Variants in TRIP12 observed in about 807,000 individuals in gnomAD.
TRIP12 encodes thyroid hormone receptor interactor 12, also known as E3 ubiquitin-protein ligase TRIP12.
TRIP12 carries 25 observed loss-of-function variants against 244.2 expected under a neutral mutation model. The observed-to-expected ratio is 0.10, with a 90% confidence interval of 0.07 to 0.14. The LOEUF is 0.14. TRIP12 is among the 10% of genes least tolerant of loss of function. The pLI, the probability that TRIP12 is intolerant of heterozygous loss-of-function variation, is 1.00. For missense variants in TRIP12, 1,677 were observed against 2,486.4 expected, an observed-to-expected ratio of 0.67 and a Z score of 6.92; for synonymous variants, 905 against 873.1, an observed-to-expected ratio of 1.04 and a Z score of -0.64.
intron 30 of TRIP12, 137 bp from the exon 31 acceptor site, chr2:229,789,899 A>G (rs961608478): frequency 7.6e-6 from 7 of 926,786 alleles, no homozygotes; most frequent in African/African-American, 4.9e-5. Context: ...TAGGGTATTG[A>G]TAAGTTTGAC....
At chr2:229,791,055 T>G in intron 30 of TRIP12, 69 bp downstream of exon 30, 1 of 1,588,860 alleles carries the variant, frequency 6.3e-7, no homozygotes, top group South Asian at 1.1e-5. Flanking sequence ...CAAATCACTC[T>G]TTGAAAATCA....
intron 7 of TRIP12, 105 bp downstream of exon 7, chr2:229,830,651 C>T (rs1387584734): frequency 8.4e-7 from 1 of 1,186,906 alleles, no homozygotes; most frequent in Non-Finnish European, 1.2e-6. Flanking sequence ...GCAGGCACTG[C>T]TAGATTATGG....
intron 38 of TRIP12, 138 bp from the exon 39 acceptor site, chr2:229,771,770 C>G: frequency 1.7e-6 from 1 of 589,682 alleles, no homozygotes; most frequent in Non-Finnish European, 3.0e-6. Flanking sequence ...TTAAAATAAT[C>G]TGCTAGAAAA....
At chr2:229,859,709 A>C (rs2060159472) in intron 3 of TRIP12, 135 bp from the exon 4 acceptor site, 1 of 975,776 alleles carries the variant, frequency 1.0e-6, no homozygotes, top group Non-Finnish European at 1.5e-6. Flanking sequence ...CAGAAGGTTC[A>C]AATCTGTAAA....
intron 26 of TRIP12, 125 bp downstream of exon 26, chr2:229,795,054 T>G: frequency 7.0e-6 from 8 of 1,148,906 alleles, no homozygotes; most frequent in Non-Finnish European, 9.7e-6. Context: ...CTTAATTTCT[T>G]TCATCATTAC....
At position 229,860,453 on chromosome 2, in the gene TRIP12, C is replaced by T; in HGVS notation, c.177G>A (p.Val59=). 6.2e-7 allele frequency: 1 copy of T among 1,611,872 alleles called. No homozygotes were observed. The highest frequency in any genetic ancestry group is 8.5e-7 in the Non-Finnish European group (1 of 1,179,282). Residue 59 remains valine, a synonymous_variant, in exon 3 of 42, where the codon GTG becomes GTA. Coordinates refer to ENST00000675903, the MANE Select transcript of TRIP12 (RefSeq NM_001348323.3). ...SRKSNSKAPK[V]QSNTTSELSR... is the part of the protein sequence containing the mutation. The stretch of plus-strand genomic sequence containing the variant: ...ACAGTTCAGAAGTAGTATTAGACTG[C>T]ACTTTGGGTGCCTTAGAATTAGATT...
In TRIP12 at chr2:229,769,455, T is replaced by C. The variant is rs373353445; in HGVS notation, c.5809-130A>G. ...TAAAACCTTCTGCTTGGGACCTCTT[T>C]CCAAAAAAAAAAAAATAATAATAAA... is the stretch of plus-strand genomic sequence containing the variant. On this transcript the variant is annotated intron_variant, in intron 39 of 41. Coordinates refer to ENST00000675903, the MANE Select transcript of TRIP12 (RefSeq NM_001348323.3). The C allele has an allele frequency of 5.7e-5, 24 of 424,142 alleles. No homozygotes were observed. In the East Asian group the frequency reaches 6.3e-4, roughly 11 times the overall value. The allele number at this position is 424,142 out of a possible 1,614,324, so 26.3% of individuals were successfully genotyped here. A position where few individuals can be genotyped will look rare whatever the true frequency, so the allele number is the denominator to read the frequency against.
In TRIP12 at chr2:229,860,670, A is replaced by C. The variant is rs546714823; in HGVS notation, c.99-139T>G. 6.0e-5 allele frequency: 53 copies of C among 889,132 alleles called. No homozygotes were observed. The Middle Eastern group carries it at 1.5e-3, about 26-fold the overall frequency. The allele number at this position is 889,132 out of a possible 1,614,324, so 55.1% of individuals were successfully genotyped here. ...CCTACCCTTTTTCCAAATATTTATA[A>C]ATTTTAATTATTATTCTACTAAATA... On this transcript the variant is annotated intron_variant, in intron 2 of 41. Coordinates refer to ENST00000675903, the MANE Select transcript of TRIP12 (RefSeq NM_001348323.3).
chr2:229,854,357 G>A (rs1313154518), intron 4 of TRIP12, among the ~76,000 whole-genome samples: 1 of 152,066 alleles, frequency 6.6e-6, no homozygotes, highest in Non-Finnish European at 1.5e-5. Flanking sequence ...TTGACCAATG[G>A]CCAGGACTTA....
At chr2:229,779,632 G>A (rs1262419119) in intron 34 of TRIP12, among the ~76,000 whole-genome samples, 2 of 152,028 alleles carry the variant, frequency 1.3e-5, no homozygotes, top group East Asian at 1.9e-4. Flanking sequence ...AAGGACTAAC[G>A]GCCTCATACA....
intron 4 of TRIP12, among the ~76,000 whole-genome samples, chr2:229,858,154 A>G (rs1204066745): frequency 4.6e-5 from 7 of 152,200 alleles, no homozygotes; most frequent in Non-Finnish European, 1.0e-4. Flanking sequence ...ACTTGAGGTC[A>G]GAAGTTTGAG....
intron 2 of TRIP12, among the ~76,000 whole-genome samples, chr2:229,872,316 C>A (rs1407286719): frequency 6.6e-6 from 1 of 152,054 alleles, no homozygotes; most frequent in Non-Finnish European, 1.5e-5. Context: ...GTAATCCCAG[C>A]ACTTTGGGAG....
chr2:229,801,032 T>G (rs2044189264), intron 21 of TRIP12, among the ~76,000 whole-genome samples: 1 of 152,240 alleles, frequency 6.6e-6, no homozygotes, highest in South Asian at 2.1e-4. Context: ...TCAGGCACCA[T>G]GCCTACATTA....
At position 229,767,371 on chromosome 2, in the gene TRIP12, A is replaced by C; in HGVS notation, c.*183T>G. On this transcript the variant is annotated 3_prime_UTR_variant, in exon 42 of 42. Coordinates refer to ENST00000675903, the MANE Select transcript of TRIP12 (RefSeq NM_001348323.3). ...CATCACAACAACGTTTTAGGGCCTG[A>C]TCACTTTAAGTCCATGGGGCCATTA... 5.7e-6 allele frequency: 3 copies of C among 530,910 alleles called. No homozygotes were observed. The highest frequency in any genetic ancestry group is 8.9e-6 in the Non-Finnish European group (3 of 338,268). The allele number at this position is 530,910 out of a possible 1,614,324, so 32.9% of individuals were successfully genotyped here.
At chr2:229,798,211 G>A (rs1037126842) in intron 23 of TRIP12, among the ~76,000 whole-genome samples, 24 of 152,206 alleles carry the variant, frequency 1.6e-4, no homozygotes, top group African/African-American at 5.8e-4. Context: ...AGAAACATGC[G>A]CCTATTAAGG....
intron 37 of TRIP12, 126 bp from the exon 38 acceptor site, chr2:229,774,387 C>CCTG: frequency 1.1e-6 from 1 of 931,852 alleles, no homozygotes; most frequent in South Asian, 2.0e-5. Context: ...AACTCTTAGC[C>CCTG]TCTTTATTTT....
At chr2:229,878,088 G>C (rs1560065508) in intron 2 of TRIP12, among the ~76,000 whole-genome samples, 1 of 152,108 alleles carries the variant, frequency 6.6e-6, no homozygotes, top group Non-Finnish European at 1.5e-5. Context: ...CCCATTCTGT[G>C]GACTAAGAAA....
chr2:229,851,936 G>A (rs1357443745), intron 4 of TRIP12, among the ~76,000 whole-genome samples: 2 of 152,082 alleles, frequency 1.3e-5, no homozygotes, highest in African/African-American at 4.8e-5. Context: ...CACCAATTCC[G>A]GACACAAAAC....
At chr2:229,850,962 G>C (rs1011318347) in intron 4 of TRIP12, among the ~76,000 whole-genome samples, 1 of 152,224 alleles carries the variant, frequency 6.6e-6, no homozygotes, top group Non-Finnish European at 1.5e-5. Context: ...CGCAGCGCAG[G>C]CCTCGGGAGA....
Sources: gnomAD v4.1 joint callset for allele counts (sites outside exome capture counted in the v4.1 genomes callset) on GRCh38, gnomAD v4.1.1 for gene constraint, MANE v1.5 for transcripts, NCBI Gene and HGNC (gene_info 2026-07-23, HGNC 2026-07-21) for gene names.